The following EFCAB13 variants were observed in gnomAD, a reference collection of about 807,000 sequenced individuals.
EFCAB13 encodes the protein EF-hand calcium binding domain 13.
Under a neutral mutation model 110.2 loss-of-function variants are expected in EFCAB13, and 91 were observed. The ratio of observed to expected loss-of-function variants is 0.83; its 90% confidence interval spans 0.70 to 0.98. The LOEUF (loss-of-function observed/expected upper bound fraction) is 0.98. Ranked by LOEUF, EFCAB13 falls within the 50% of genes least tolerant of loss-of-function variation. The pLI is 0.00. For missense variants in EFCAB13, 968 were observed against 1,119.4 expected, an observed-to-expected ratio of 0.86 and a Z score of 1.93; for synonymous variants, 323 against 369.9, an observed-to-expected ratio of 0.87 and a Z score of 1.45.
intron 15 of EFCAB13, among the ~76,000 whole-genome samples, chr17:47,393,466 G>T (rs2065719360): frequency 6.6e-6 from 1 of 152,120 alleles, no homozygotes; most frequent in African/African-American, 2.4e-5. Flanking sequence ...AAAGGAGAAA[G>T]AAAGCAGCAT....
At chr17:47,341,656 C>T (rs888208593) in intron 5 of EFCAB13, among the ~76,000 whole-genome samples, 1 of 151,972 alleles carries the variant, frequency 6.6e-6, no homozygotes, top group African/African-American at 2.4e-5. Flanking sequence ...CCTCCGTACC[C>T]AGCCCAATCT....
At chr17:47,371,909 C>T (rs1372599324) in intron 11 of EFCAB13, among the ~76,000 whole-genome samples, 2 of 150,010 alleles carry the variant, frequency 1.3e-5, no homozygotes, top group South Asian at 2.2e-4. Flanking sequence ...CCCCTGTGCC[C>T]GGCCTCTGTG....
intron 4 of EFCAB13, among the ~76,000 whole-genome samples, chr17:47,329,195 G>A (rs2065305546): frequency 6.6e-6 from 1 of 151,960 alleles, no homozygotes; most frequent in Non-Finnish European, 1.5e-5. Flanking sequence ...GGTGTGTCTG[G>A]CATTGTCATA....
At position 47,440,705 on chromosome 17, in the gene EFCAB13, A is replaced by T; in HGVS notation, c.2913A>T (p.Ser971=). ...ATATTGCTAAGCTTAACCCAAACTC[A>T]AAATTTTAGGTAGTCTTACTTGATA... ...KANIAKLNPN[S]KF is the part of the protein sequence containing the mutation. Residue 971 remains serine, a synonymous_variant, in exon 25 of 25, where the codon TCA becomes TCT. Coordinates refer to ENST00000331493, the MANE Select transcript of EFCAB13 (RefSeq NM_152347.5). The T allele has an allele frequency of 1.3e-6, 2 of 1,562,252 alleles. No homozygotes were observed. Among genetic ancestry groups the T allele is most frequent in the Non-Finnish European group, 1.7e-6 (2 of 1,159,866 alleles).
intron 14 of EFCAB13, 119 bp from the exon 15 acceptor site, chr17:47,391,318 C>A: frequency 1.5e-6 from 1 of 671,522 alleles, no homozygotes; most frequent in Non-Finnish European, 2.3e-6. Flanking sequence ...TAGTATATAA[C>A]ACTGCTGAAG....
intron 23 of EFCAB13, among the ~76,000 whole-genome samples, chr17:47,416,791 G>A (rs1238874632): frequency 6.6e-6 from 1 of 152,164 alleles, no homozygotes; most frequent in East Asian, 1.9e-4. Flanking sequence ...GCATGAATTA[G>A]TACAATTGAC....
intron 24 of EFCAB13, among the ~76,000 whole-genome samples, chr17:47,439,523 T>C (rs1038634752): frequency 6.6e-6 from 1 of 152,140 alleles, no homozygotes; most frequent in African/African-American, 2.4e-5. Context: ...GCGCTGGTCC[T>C]AAATTTTTAT....
rs562273609 is a variant in EFCAB13, at chr17:47,376,551, G to C, written c.1373-1215G>C. The stretch of plus-strand genomic sequence containing the variant: ...AATTGGACTTTTATGGAATATGACT[G>C]CCTGTATGATTTACATTAAAAAATT... On this transcript the variant is annotated intron_variant, in intron 12 of 24. Coordinates refer to ENST00000331493, the MANE Select transcript of EFCAB13 (RefSeq NM_152347.5). 1.2e-4 allele frequency among the ~76,000 whole-genome samples: 17 copies of C among 143,082 alleles called. No individual in the cohort carries two copies. In the South Asian group the frequency reaches 1.5e-3, roughly 12 times the overall value. 93.9% of individuals were successfully genotyped at this position (143,082 alleles called of 152,430 possible). A position where few individuals can be genotyped will look rare whatever the true frequency, so the allele number is the denominator to read the frequency against.
At chr17:47,327,484 G>A (rs2065293275) in intron 3 of EFCAB13, among the ~76,000 whole-genome samples, 5 of 148,492 alleles carry the variant, frequency 3.4e-5, no homozygotes, top group Admixed American at 3.4e-4. Context: ...TTTTGAGACA[G>A]TCTCACTGTA....
At chr17:47,325,332 T>C (rs2065275802) in intron 2 of EFCAB13, among the ~76,000 whole-genome samples, 1 of 152,054 alleles carries the variant, frequency 6.6e-6, no homozygotes. Context: ...GCCTGATTGC[T>C]CACTCTTGAA....
chr17:47,330,122 C>G (rs1338036643), intron 4 of EFCAB13, among the ~76,000 whole-genome samples: 1 of 151,644 alleles, frequency 6.6e-6, no homozygotes, highest in Non-Finnish European at 1.5e-5. Flanking sequence ...AGCAAACAGC[C>G]AGATTTCAGG....
At position 47,344,308 on chromosome 17, in the gene EFCAB13, T is replaced by G. The variant is rs1321116360; in HGVS notation, c.434+16T>G. 6.2e-7 allele frequency: 1 copy of G among 1,606,202 alleles called. No individual in the cohort carries two copies. Among genetic ancestry groups the G allele is most frequent in the Middle Eastern group, 1.7e-4 (1 of 6,014 alleles). On this transcript the variant is annotated intron_variant, in intron 7 of 24. Coordinates refer to ENST00000331493, the MANE Select transcript of EFCAB13 (RefSeq NM_152347.5). The stretch of plus-strand genomic sequence containing the variant: ...CAATTACTCGGTATTTAAATCCTTG[T>G]ACTCTATTTTTTAAATGTTGGGTTC...
intron 5 of EFCAB13, chr17:47,340,115 TA>T (rs1438020060): frequency 1.3e-5 from 2 of 152,200 alleles, no homozygotes; most frequent in Non-Finnish European, 2.9e-5. Flanking sequence ...CAAAATGGTA[TA>T]AAATTATTTT....
At chr17:47,412,431 G>C (rs2065840975) in intron 21 of EFCAB13, among the ~76,000 whole-genome samples, 1 of 152,180 alleles carries the variant, frequency 6.6e-6, no homozygotes, top group Non-Finnish European at 1.5e-5. Flanking sequence ...TCAAATTTTA[G>C]CCTTTGTTTA....
rs1484106100 is a variant in EFCAB13, at chr17:47,397,736, C to T, written c.1945+1759C>T. 4.0e-5 allele frequency among the ~76,000 whole-genome samples: 6 copies of T among 151,616 alleles called. No homozygotes were observed. In the South Asian group the frequency reaches 6.2e-4, roughly 16 times the overall value. On this transcript the variant is annotated intron_variant, in intron 17 of 24. Coordinates refer to ENST00000331493, the MANE Select transcript of EFCAB13 (RefSeq NM_152347.5). Reference sequence around the variant, plus strand: ...CTGGGAGGTGAGGAGCGTCTCTGCCCGGCCGCCCCGTCTGAGAAGTGAGGA... The same window carrying T: ...CTGGGAGGTGAGGAGCGTCTCTGCCTGGCCGCCCCGTCTGAGAAGTGAGGA...
Position 47,369,836 on chromosome 17 carries a change from C to T in EFCAB13, c.806-601C>T, listed in dbSNP as rs1164612336. 2.0e-5 allele frequency: 3 copies of T among 152,776 alleles called. No homozygotes were observed. In the East Asian group the frequency reaches 5.7e-4, roughly 29 times the overall value. The allele number at this position is 152,776 out of a possible 1,614,324, so 9.5% of individuals were successfully genotyped here. A position where few individuals can be genotyped will look rare whatever the true frequency, so the allele number is the denominator to read the frequency against. On this transcript the variant is annotated intron_variant, in intron 10 of 24. Transcript: ENST00000331493. Reference sequence around the variant, plus strand: ...AGGTGACTGCATCTGAACACATCCTCAATCATGCATTATCCAAGAAGTAAA... The same window carrying T: ...AGGTGACTGCATCTGAACACATCCTTAATCATGCATTATCCAAGAAGTAAA...
chr17:47,356,840 A>G (rs1172217199), intron 9 of EFCAB13, among the ~76,000 whole-genome samples: 1 of 152,160 alleles, frequency 6.6e-6, no homozygotes, highest in East Asian at 1.9e-4. Context: ...TGGTAGAGAA[A>G]GACCATCAGG....
At chr17:47,351,305 G>GTGTGTGTGTGTGTGTGTGCGCGCGCGCA (rs748940130) in intron 9 of EFCAB13, among the ~76,000 whole-genome samples, 1 of 113,176 alleles carries the variant, frequency 8.8e-6, no homozygotes, top group Non-Finnish European at 1.9e-5. Context: ...GTGTGTGTGT[G>GTGTGTGTGTGTGTGTGTGCGCGCGCGCA]CGCGCGCGCG....
At chr17:47,407,563 C>T (rs1342341774) in intron 20 of EFCAB13, among the ~76,000 whole-genome samples, 1 of 151,980 alleles carries the variant, frequency 6.6e-6, no homozygotes, top group Non-Finnish European at 1.5e-5. Flanking sequence ...TTGGACTCCA[C>T]GAAAGAAAAT....
Sources: allele counts gnomAD v4.1 joint callset (sites outside exome capture counted in the v4.1 genomes callset), GRCh38; gene constraint gnomAD v4.1.1; transcripts MANE v1.5; gene names NCBI Gene and HGNC (gene_info 2026-07-23, HGNC 2026-07-21).